Variants in ATXN3 observed in about 807,000 individuals in gnomAD.
The protein encoded by ATXN3 is ataxin-3.
Under a neutral mutation model 58.2 loss-of-function variants are expected in ATXN3, and 28 were observed. The observed-to-expected ratio is 0.48, with a 90% CI of 0.36 to 0.66. The LOEUF (loss-of-function observed/expected upper bound fraction) is 0.66, where lower values mean the gene tolerates loss of function less well. Ranked by LOEUF, ATXN3 falls within the 30% of genes least tolerant of loss-of-function variation. The pLI is 0.00. For synonymous variants in ATXN3, 113 were observed against 138.5 expected (o/e 0.82, Z 1.29); for missense variants, 321 against 422.1 (o/e 0.76, Z 2.10).
At chr14:92,081,186 T>G in intron 8 of ATXN3, 125 bp from the exon 9 acceptor site, 1 of 638,900 alleles carries the variant, frequency 1.6e-6, no homozygotes. Context: ...TATTCTACTC[T>G]TCTGGCTGGG....
At chr14:92,090,044 CTGT>C (rs5810571) in intron 5 of ATXN3, among the ~76,000 whole-genome samples, 42,857 of 151,912 alleles carry the variant, frequency 0.28, 6,353 homozygotes, top group East Asian at 0.44. Context: ...CCAGCCTGGG[CTGT>C]AACATAGTGA....
chr14:92,067,342 AGCCATGAC>A (rs1003229614), intron 10 of ATXN3, among the ~76,000 whole-genome samples: 44 of 152,292 alleles, frequency 2.9e-4, no homozygotes, highest in African/African-American at 1.0e-3. Context: ...GGAAATTTTC[AGCCATGAC>A]TTCTTCCTCA....
At chr14:92,053,554 T>C (rs1373316870), downstream of ATXN3, among the ~76,000 whole-genome samples, 18 of 149,834 alleles carry the variant, frequency 1.2e-4, no homozygotes, top group Non-Finnish European at 1.5e-5. Flanking sequence ...TGGAGTGCAG[T>C]GGTGCGATCA....
rs1165755368 is a variant in ATXN3, at chr14:92,060,254, A to G, written c.*4066T>C. The G allele has an allele frequency of 9.6e-6, 1 of 104,226 alleles. No homozygotes were observed. Among genetic ancestry groups the G allele is most frequent in the Non-Finnish European group, 1.9e-5 (1 of 52,030 alleles). 6.5% of individuals were successfully genotyped at this position (104,226 alleles called of 1,614,324 possible). Reference sequence around the variant, plus strand: ...TATACATATATATATACACACATATATATATATATATATATATTTTTTTTT... The same window carrying G: ...TATACATATATATATACACACATATGTATATATATATATATATTTTTTTTT... On this transcript the variant is annotated 3_prime_UTR_variant, in exon 11 of 11. Coordinates refer to ENST00000644486, the MANE Select transcript of ATXN3 (RefSeq NM_004993.6).
intron 7 of ATXN3, among the ~76,000 whole-genome samples, chr14:92,082,806 C>T (rs1257991971): frequency 6.6e-6 from 1 of 151,982 alleles, no homozygotes. Context: ...TACACCACCA[C>T]ATCTGGCTAA....
intron 9 of ATXN3, among the ~76,000 whole-genome samples, chr14:92,075,321 T>C (rs2060175362): frequency 6.6e-6 from 1 of 152,026 alleles, no homozygotes; most frequent in South Asian, 2.1e-4. Context: ...CCCGCCACCA[T>C]ACTCGGCTAA....
intron 9 of ATXN3, among the ~76,000 whole-genome samples, chr14:92,076,101 G>C (rs2060299944): frequency 6.6e-6 from 1 of 152,138 alleles, no homozygotes; most frequent in South Asian, 2.1e-4. Flanking sequence ...CATTGTACTT[G>C]TTATAACTTA....
At chr14:92,078,453 C>G (rs567225714) in intron 9 of ATXN3, among the ~76,000 whole-genome samples, 83 of 152,132 alleles carry the variant, frequency 5.5e-4, no homozygotes, top group Non-Finnish European at 1.0e-3. Context: ...ACCTCGCCTC[C>G]CGGGTTCAAG....
At chr14:92,098,372 G>A (rs1232614795) in intron 1 of ATXN3, among the ~76,000 whole-genome samples, 1 of 152,170 alleles carries the variant, frequency 6.6e-6, no homozygotes, top group Non-Finnish European at 1.5e-5. Flanking sequence ...TGGACTGCTT[G>A]AGGCTGGGAG....
At chr14:92,094,570 T>C (rs1205320645) in intron 3 of ATXN3, among the ~76,000 whole-genome samples, 2 of 152,208 alleles carry the variant, frequency 1.3e-5, no homozygotes, top group Admixed American at 6.5e-5. Flanking sequence ...GTTCCATAGA[T>C]GTCAGACTTC....
At chr14:92,073,293 A>G (rs527844598) in intron 9 of ATXN3, among the ~76,000 whole-genome samples, 28 of 152,388 alleles carry the variant, frequency 1.8e-4, no homozygotes, top group Admixed American at 6.5e-4. Flanking sequence ...AGTGGTACTC[A>G]GCATCCACTC....
In ATXN3 at chr14:92,080,946, C is replaced by G; in HGVS notation, c.872+19G>C. On this transcript the variant is annotated intron_variant, in intron 9 of 10. Coordinates refer to ENST00000644486, the MANE Select transcript of ATXN3 (RefSeq NM_004993.6). ...GCAAATATTAAACATGCTACTTTAA[C>G]TTGTACCAACTACTTTACTTTTCAA... 6.4e-7 allele frequency: 1 copy of G among 1,565,740 alleles called. No individual in the cohort carries two copies. Among genetic ancestry groups the G allele is most frequent in the Non-Finnish European group, 8.8e-7 (1 of 1,136,770 alleles).
At chr14:92,051,718 C>CTTTTTTTTTTTTTTTTTTTTTTTTTTTT (rs1160650510), upstream of ATXN3, among the ~76,000 whole-genome samples, 8 of 35,706 alleles carry the variant, frequency 2.2e-4, 2 homozygotes, top group Non-Finnish European at 4.0e-4. Context: ...CTTTTCCTTT[C>CTTTTTTTTTTTTTTTTTTTTTTTTTTTT]TTTTTTTTTT....
chr14:92,105,473 T>C (rs1042490769), intron 1 of ATXN3, among the ~76,000 whole-genome samples: 2 of 152,176 alleles, frequency 1.3e-5, no homozygotes, highest in African/African-American at 2.4e-5. Context: ...AATGTATTCT[T>C]TTGTCTTTGC....
At chr14:92,100,300 C>T (rs1022257255) in intron 1 of ATXN3, among the ~76,000 whole-genome samples, 2 of 152,098 alleles carry the variant, frequency 1.3e-5, no homozygotes, top group Non-Finnish European at 1.5e-5. Context: ...TGCAAACATA[C>T]ATTCATCAAA....
intron 1 of ATXN3, among the ~76,000 whole-genome samples, chr14:92,048,280 G>A (rs1566883291): frequency 6.6e-6 from 1 of 152,202 alleles, no homozygotes; most frequent in Non-Finnish European, 1.5e-5. Flanking sequence ...TCACAGTGGA[G>A]GCAAGGAATT....
chr14:92,069,115 G>C (rs1462897783), intron 10 of ATXN3, among the ~76,000 whole-genome samples: 1 of 124,992 alleles, frequency 8.0e-6, no homozygotes, highest in Admixed American at 7.9e-5. Context: ...TTTTGGTCTT[G>C]TCACCCAGGC....
At chr14:92,099,853 G>C (rs1373597189) in intron 1 of ATXN3, among the ~76,000 whole-genome samples, 1 of 149,422 alleles carries the variant, frequency 6.7e-6, no homozygotes, top group African/African-American at 2.5e-5. Context: ...TGGGTGACAG[G>C]GCAAGACCAA....
intron 8 of ATXN3, 82 bp from the exon 9 acceptor site, chr14:92,081,143 G>T: frequency 2.1e-6 from 2 of 967,264 alleles, no homozygotes; most frequent in South Asian, 1.4e-5. Context: ...ATACTCATTT[G>T]AGTAAGCCTT....
Sources: allele counts gnomAD v4.1 joint callset (sites outside exome capture counted in the v4.1 genomes callset), GRCh38; gene constraint gnomAD v4.1.1; transcripts MANE v1.5; gene names NCBI Gene and HGNC (gene_info 2026-07-23, HGNC 2026-07-21).